PABPC4L: variants seen among roughly 807,000 people sequenced by gnomAD.
PABPC4L encodes the protein poly(A) binding protein cytoplasmic 4 like.
For synonymous variants in PABPC4L, 169 were observed against 164.1 expected (o/e 1.03, Z -0.23); for missense variants, 452 against 451.4 (o/e 1.00, Z -0.01).
the PABPC4L span, among the ~76,000 whole-genome samples, chr4:134,092,987 C>A: frequency 6.6e-6 from 1 of 151,900 alleles, no homozygotes; most frequent in African/African-American, 2.4e-5. Flanking sequence ...TAGCGAATTA[C>A]TCATTTTTAT....
the PABPC4L span, among the ~76,000 whole-genome samples, chr4:133,984,234 C>T: frequency 5.6e-3 from 844 of 151,638 alleles, 8 homozygotes; most frequent in African/African-American, 0.019. Flanking sequence ...ATTAAAACAC[C>T]AAATTCTGTG....
At chr4:134,096,337 T>G in the PABPC4L span, among the ~76,000 whole-genome samples, 2 of 151,976 alleles carry the variant, frequency 1.3e-5, no homozygotes, top group Admixed American at 1.3e-4. Context: ...ATGAAAATAC[T>G]TTTACTTAGT....
At chr4:134,081,775 T>A in the PABPC4L span, among the ~76,000 whole-genome samples, 1 of 151,926 alleles carries the variant, frequency 6.6e-6, no homozygotes, top group African/African-American at 2.4e-5. Context: ...ACAAATAAAC[T>A]TAGAAAAACC....
the PABPC4L span, among the ~76,000 whole-genome samples, chr4:134,144,343 T>C: frequency 6.6e-6 from 1 of 151,610 alleles, no homozygotes; most frequent in Non-Finnish European, 1.5e-5. Flanking sequence ...CAATCTTTAC[T>C]TGGATTTTCA....
the PABPC4L span, among the ~76,000 whole-genome samples, chr4:134,137,126 T>C: frequency 6.6e-6 from 1 of 152,010 alleles, no homozygotes; most frequent in Admixed American, 6.6e-5. Context: ...AGTTTAAGAA[T>C]AGCCCTGAAG....
the PABPC4L span, among the ~76,000 whole-genome samples, chr4:134,173,895 A>G: frequency 6.6e-6 from 1 of 152,076 alleles, no homozygotes; most frequent in Non-Finnish European, 1.5e-5. Context: ...ATTTAACCTG[A>G]TGGTACTGTA....
the PABPC4L span, among the ~76,000 whole-genome samples, chr4:133,958,256 T>C: frequency 6.6e-6 from 1 of 152,188 alleles, no homozygotes; most frequent in Non-Finnish European, 1.5e-5. Flanking sequence ...CCAAACCCAA[T>C]GCTAAAGCAT....
chr4:134,033,422 C>G, the PABPC4L span, among the ~76,000 whole-genome samples: 3 of 151,760 alleles, frequency 2.0e-5, no homozygotes, highest in African/African-American at 4.8e-5. Context: ...GGAAGAGTTG[C>G]ATATATTTCA....
At chr4:133,962,889 A>G in the PABPC4L span, among the ~76,000 whole-genome samples, 1 of 152,224 alleles carries the variant, frequency 6.6e-6, no homozygotes. Flanking sequence ...AAACATGTCA[A>G]AACAGAACAT....
chr4:134,007,908 T>C, the PABPC4L span, among the ~76,000 whole-genome samples: 1 of 151,796 alleles, frequency 6.6e-6, no homozygotes, highest in African/African-American at 2.4e-5. Context: ...CTGAAACTTT[T>C]ACTATGTCAT....
the PABPC4L span, among the ~76,000 whole-genome samples, chr4:134,158,362 C>T: frequency 3.8e-3 from 576 of 152,046 alleles, 1 homozygote; most frequent in African/African-American, 0.013. Context: ...ATGTTTAGCA[C>T]CAGATTTTAA....
At chr4:134,141,023 G>A in the PABPC4L span, among the ~76,000 whole-genome samples, 1 of 151,690 alleles carries the variant, frequency 6.6e-6, no homozygotes, top group Non-Finnish European at 1.5e-5. Flanking sequence ...AAATTAGGAT[G>A]TGCAAATTTT....
At chr4:133,996,966 G>T in the PABPC4L span, among the ~76,000 whole-genome samples, 1 of 152,122 alleles carries the variant, frequency 6.6e-6, no homozygotes, top group African/African-American at 2.4e-5. Flanking sequence ...ACATTCTCTT[G>T]TTATCTATCC....
At chr4:134,177,785 G>T in the PABPC4L span, among the ~76,000 whole-genome samples, 67 of 152,164 alleles carry the variant, frequency 4.4e-4, 1 homozygote, top group African/African-American at 1.6e-3. Context: ...ACAGCCTCTA[G>T]CATGGTGCTC....
chr4:134,002,547 T>G, the PABPC4L span, among the ~76,000 whole-genome samples: 64 of 152,106 alleles, frequency 4.2e-4, no homozygotes, highest in Middle Eastern at 3.4e-3. Context: ...ATTGTTGTTT[T>G]GTTTTTTATG....
chr4:134,138,940 A>T, the PABPC4L span, among the ~76,000 whole-genome samples: 1 of 151,908 alleles, frequency 6.6e-6, no homozygotes, highest in African/African-American at 2.4e-5. Context: ...AATATCAGCT[A>T]GTGAAAGAAA....
the PABPC4L span, among the ~76,000 whole-genome samples, chr4:134,055,784 CT>C: frequency 2.0e-5 from 3 of 151,714 alleles, no homozygotes; most frequent in Middle Eastern, 3.4e-3. Context: ...GTCTTTTCAT[CT>C]TAATAGAGTG....
At chr4:134,075,829 G>A in the PABPC4L span, among the ~76,000 whole-genome samples, 6 of 151,952 alleles carry the variant, frequency 3.9e-5, no homozygotes, top group Admixed American at 2.0e-4. Flanking sequence ...TGCTGTCCTC[G>A]TGGGTACTCC....
At chr4:134,187,103 A>G in the PABPC4L span, among the ~76,000 whole-genome samples, 2 of 152,136 alleles carry the variant, frequency 1.3e-5, 1 homozygote, top group Non-Finnish European at 2.9e-5. Flanking sequence ...TGGGACTGTA[A>G]ACTACTTCAA....
Sources: gnomAD v4.1 joint callset for allele counts (sites outside exome capture counted in the v4.1 genomes callset) on GRCh38, gnomAD v4.1.1 for gene constraint, MANE v1.5 for transcripts, NCBI Gene and HGNC (gene_info 2026-07-23, HGNC 2026-07-21) for gene names.